The following UTRN variants were observed in gnomAD, a reference collection of about 807,000 sequenced individuals.
UTRN encodes the protein utrophin, also known as dystrophin-related protein 1.
In UTRN, 283 loss-of-function variants were observed where a neutral mutation model predicts 463.9. The observed-to-expected ratio is 0.61, with a 90% CI of 0.55 to 0.67. The LOEUF is 0.67. Among genes scored for constraint, UTRN ranks in the 30% least tolerant of loss-of-function variants. UTRN has a pLI of 0.00. For missense variants in UTRN, 3,922 were observed against 4,084.3 expected, an observed-to-expected ratio of 0.96 and a Z score of 1.08; for synonymous variants, 1,442 against 1,431.5, an observed-to-expected ratio of 1.01 and a Z score of -0.17.
chr6:144,737,672 A>C (rs1443574534), intron 54 of UTRN, among the ~76,000 whole-genome samples: 1 of 152,248 alleles, frequency 6.6e-6, no homozygotes, highest in African/African-American at 2.4e-5. Context: ...TATGATTTTT[A>C]GCTGAACTAA....
At chr6:144,299,705 C>G (rs1014602967) in intron 2 of UTRN, among the ~76,000 whole-genome samples, 1 of 151,962 alleles carries the variant, frequency 6.6e-6, no homozygotes, top group Non-Finnish European at 1.5e-5. Context: ...TTAGAGTCCG[C>G]TGATGCATTC....
At chr6:144,482,835 A>G (rs1792038746) in intron 27 of UTRN, among the ~76,000 whole-genome samples, 1 of 152,120 alleles carries the variant, frequency 6.6e-6, no homozygotes, top group African/African-American at 2.4e-5. Context: ...TTCAAGAGTC[A>G]CCTGAAGGAA....
At chr6:144,702,674 C>G (rs1003109320) in intron 53 of UTRN, among the ~76,000 whole-genome samples, 1 of 152,024 alleles carries the variant, frequency 6.6e-6, no homozygotes, top group Non-Finnish European at 1.5e-5. Flanking sequence ...GAACAGAGAC[C>G]TGGAGTGATG....
rs1434160391 is a variant in UTRN, at chr6:144,537,531, G to T, written c.6234-51G>T. The T allele has an allele frequency of 3.6e-6, 5 of 1,397,850 alleles. No homozygotes were observed. The East Asian group carries it at 1.2e-4, about 32-fold the overall frequency. 86.6% of individuals were successfully genotyped at this position (1,397,850 alleles called of 1,614,324 possible). A position where few individuals can be genotyped will look rare whatever the true frequency, so the allele number is the denominator to read the frequency against. ...ATTCAAAGCAAATATGTAAGGTTCT[G>T]CTTAATTGGACAGTTTTTCCTCAAT... On this transcript the variant is annotated intron_variant, in intron 43 of 74. Coordinates refer to ENST00000367545, the MANE Select transcript of UTRN (RefSeq NM_007124.3).
chr6:144,540,965 T>A (rs1284041358), intron 45 of UTRN, among the ~76,000 whole-genome samples: 3 of 152,250 alleles, frequency 2.0e-5, no homozygotes, highest in Non-Finnish European at 2.9e-5. Flanking sequence ...ATCATACATT[T>A]GACTGCTTCT....
At chr6:144,802,567 C>T (rs920182524) in intron 64 of UTRN, among the ~76,000 whole-genome samples, 2 of 152,106 alleles carry the variant, frequency 1.3e-5, no homozygotes, top group African/African-American at 4.8e-5. Flanking sequence ...CATTCTTACG[C>T]CAGAGATTTT....
chr6:144,537,345 A>G (rs1209683586), intron 43 of UTRN, among the ~76,000 whole-genome samples: 1 of 152,050 alleles, frequency 6.6e-6, no homozygotes, highest in African/African-American at 2.4e-5. Flanking sequence ...GGAAGATAAT[A>G]TTCTTTAGTT....
At chr6:144,287,360 C>T (rs903581970) in intron 1 of UTRN, among the ~76,000 whole-genome samples, 3 of 152,162 alleles carry the variant, frequency 2.0e-5, no homozygotes, top group Non-Finnish European at 4.4e-5. Context: ...CCCTGGAGCG[C>T]TTCCGAGTGT....
Position 144,459,345 on chromosome 6 carries a change from C to T in UTRN, c.2698C>T (p.Leu900=). The T allele has an allele frequency of 1.9e-6, 3 of 1,594,122 alleles. No individual in the cohort carries two copies. The highest frequency in any genetic ancestry group is 2.6e-6 in the Non-Finnish European group (3 of 1,170,792). The change falls in exon 21 of 75, where the codon CTA becomes TTA. Residue 900 remains leucine, a synonymous_variant. Coordinates refer to ENST00000367545, the MANE Select transcript of UTRN (RefSeq NM_007124.3). ...QEAVEDRQQH[L]ENELKGQPGH... ...GGCTGTAGAGGATCGTCAACAACAT[C>T]TAGAGAATGGTAAACCCAACAATTT...
chr6:144,474,642 G>A lies in UTRN; in HGVS notation c.3219G>A (p.Leu1073=). The change falls in exon 25 of 75, where the codon CTG becomes CTA. Residue 1073 remains leucine (L), a synonymous_variant. Transcript: ENST00000367545. ...AAATAGAAACAATTGAATCATCTCT[G>A]AAAAACATGAAGGAAATAGAGACTA... ...VNEIETIESS[L]KNMKEIETNL... 6.2e-7 allele frequency: 1 copy of A among 1,613,462 alleles called. No individual in the cohort carries two copies. Among genetic ancestry groups the A allele is most frequent in the Non-Finnish European group, 8.5e-7 (1 of 1,179,816 alleles).
intron 13 of UTRN, 75 bp from the exon 14 acceptor site, chr6:144,444,206 C>T: frequency 8.5e-7 from 1 of 1,177,738 alleles, no homozygotes; most frequent in South Asian, 1.5e-5. Context: ...CAATGGAAAT[C>T]ATGAATTTCT....
intron 30 of UTRN, 99 bp downstream of exon 30, chr6:144,488,933 G>T (rs1792751507): frequency 8.4e-7 from 1 of 1,196,872 alleles, no homozygotes; most frequent in African/African-American, 1.6e-5. Flanking sequence ...AAAACCGAGA[G>T]TCAATGGGAA....
rs549656024 is a variant in UTRN, at chr6:144,503,493, T to G, written c.4764+4066T>G. Reference sequence around the variant, plus strand: ...GGCTAGCCTGTTTTCCCAACACCATTTATTAAATAGGGAATCCTTTCCCTA... The same window carrying G: ...GGCTAGCCTGTTTTCCCAACACCATGTATTAAATAGGGAATCCTTTCCCTA... On this transcript the variant is annotated intron_variant, in intron 34 of 74. Transcript: ENST00000367545. Among the ~76,000 whole-genome samples the G allele has an allele frequency of 1.2e-4, 19 of 152,306 alleles. No individual in the cohort carries two copies. The South Asian group carries it at 3.7e-3, about 30-fold the overall frequency.
chr6:144,531,259 AAG>A, intron 42 of UTRN, 57 bp downstream of exon 42: 1 of 1,444,958 alleles, frequency 6.9e-7, no homozygotes, highest in Non-Finnish European at 9.2e-7. Flanking sequence ...TATGCCTGTT[AAG>A]ACAGATTTCA....
At chr6:144,679,530 A>G (rs1033032661) in intron 52 of UTRN, among the ~76,000 whole-genome samples, 2 of 152,266 alleles carry the variant, frequency 1.3e-5, no homozygotes, top group Non-Finnish European at 2.9e-5. Flanking sequence ...TGAACAAACT[A>G]CTCAGCCTCT....
chr6:144,850,562 T>C (rs1027944634), intron 74 of UTRN, among the ~76,000 whole-genome samples: 2 of 152,164 alleles, frequency 1.3e-5, no homozygotes, highest in Non-Finnish European at 2.9e-5. Context: ...TGGGTTATGA[T>C]TCCTGCCTTG....
At chr6:144,685,159 T>A (rs1782620423) in intron 52 of UTRN, among the ~76,000 whole-genome samples, 1 of 152,198 alleles carries the variant, frequency 6.6e-6, no homozygotes, top group East Asian at 1.9e-4. Context: ...GTTACTTTAT[T>A]TAGAATAATG....
Position 144,470,529 on chromosome 6 carries a change from C to T in UTRN, c.3067-3191C>T, listed in dbSNP as rs9767612. Among the ~76,000 whole-genome samples, 579 of 151,594 alleles carry T rather than the reference C, an allele frequency of 3.8e-3. 4 individuals carry two copies. The highest frequency in any genetic ancestry group is 0.014 in the African/African-American group (563 of 41,298). The stretch of plus-strand genomic sequence containing the variant: ...GATGGGCGGCCAGGCAGAGATGCTC[C>T]TCACTTCCTAGACAGGATGACGGCC... On this transcript the variant is annotated intron_variant, in intron 23 of 74. Coordinates refer to ENST00000367545, the MANE Select transcript of UTRN (RefSeq NM_007124.3).
intron 17 of UTRN, among the ~76,000 whole-genome samples, chr6:144,449,605 G>C (rs1467024772): frequency 6.6e-6 from 1 of 152,166 alleles, no homozygotes; most frequent in Non-Finnish European, 1.5e-5. Flanking sequence ...ATCCCTGTTT[G>C]AGCAATACCT....
Sources: allele counts gnomAD v4.1 joint callset (sites outside exome capture counted in the v4.1 genomes callset), GRCh38; gene constraint gnomAD v4.1.1; transcripts MANE v1.5; gene names NCBI Gene and HGNC (gene_info 2026-07-23, HGNC 2026-07-21).